The following FGGY variants were observed in gnomAD, a reference collection of about 807,000 sequenced individuals.
FGGY encodes FGGY carbohydrate kinase domain-containing protein.
Under a neutral mutation model 71.3 loss-of-function variants are expected in FGGY, and 72 were observed. The ratio of observed to expected loss-of-function variants is 1.01; its 90% CI spans 0.84 to 1.23. The LOEUF is 1.23. FGGY is among the 50% of genes most tolerant of loss of function. The probability of loss-of-function intolerance (pLI) is 0.00; values close to 1 mark genes in which losing one functional copy is unlikely to be tolerated. For missense variants in FGGY, 668 were observed against 682.3 expected (o/e 0.98, Z 0.23); for synonymous variants, 251 against 250.3 (o/e 1.00, Z -0.02).
chr1:59,546,332 G>A (rs375973895), intron 7 of FGGY, among the ~76,000 whole-genome samples: 4 of 135,488 alleles, frequency 3.0e-5, no homozygotes, highest in Non-Finnish European at 4.6e-5. Context: ...GAACCATTAC[G>A]CCCTAACTAG....
chr1:59,606,403 C>A (rs1315704488), intron 8 of FGGY, among the ~76,000 whole-genome samples: 1 of 152,160 alleles, frequency 6.6e-6, no homozygotes, highest in Non-Finnish European at 1.5e-5. Flanking sequence ...ACAAAAAGTA[C>A]CAATTGCCAT....
intron 14 of FGGY, among the ~76,000 whole-genome samples, chr1:59,691,753 C>T (rs1275900916): frequency 6.6e-6 from 1 of 151,166 alleles, no homozygotes; most frequent in East Asian, 2.0e-4. Flanking sequence ...GATATCCATA[C>T]ACCCCCACAT....
chr1:59,693,342 C>T lies in FGGY; in HGVS notation c.1512+19209C>T, dbSNP rs146519022. 9.2e-5 allele frequency among the ~76,000 whole-genome samples: 14 copies of T among 152,298 alleles called. No individual in the cohort carries two copies. In the East Asian group the frequency reaches 2.7e-3, roughly 29 times the overall value. ...AGTGTAAATCTGTAAAATGTTCTAC[C>T]CATGTTACAAACCTGTGGCTTAATT... On this transcript the variant is annotated intron_variant, in intron 14 of 15. Transcript: ENST00000303721.
At chr1:59,691,636 C>CTTTTTTTTT (rs2097588141) in intron 14 of FGGY, among the ~76,000 whole-genome samples, 1 of 144,958 alleles carries the variant, frequency 6.9e-6, no homozygotes, top group Non-Finnish European at 1.5e-5. Flanking sequence ...CTTTTTTTTT[C>CTTTTTTTTT]TTTTCTTTTT....
chr1:59,611,646 G>A (rs1046121108), intron 9 of FGGY, among the ~76,000 whole-genome samples: 13 of 152,214 alleles, frequency 8.5e-5, no homozygotes, highest in South Asian at 2.1e-4. Context: ...AAAGCTGGAC[G>A]GAGTATGACT....
intron 7 of FGGY, among the ~76,000 whole-genome samples, chr1:59,536,966 T>A (rs1306041547): frequency 6.6e-6 from 1 of 152,012 alleles, no homozygotes; most frequent in Non-Finnish European, 1.5e-5. Flanking sequence ...TCACCACTCC[T>A]ATTCAACATA....
At chr1:59,619,045 C>G (rs1572184728) in intron 9 of FGGY, among the ~76,000 whole-genome samples, 1 of 152,254 alleles carries the variant, frequency 6.6e-6, no homozygotes, top group East Asian at 1.9e-4. Flanking sequence ...TGCCTGTAAT[C>G]TTTCCCCCTC....
chr1:59,529,473 C>G (rs2095081146), intron 7 of FGGY, among the ~76,000 whole-genome samples: 1 of 152,068 alleles, frequency 6.6e-6, no homozygotes, highest in South Asian at 2.1e-4. Context: ...GGTGTATTCT[C>G]CACTGGAAGC....
chr1:59,339,867 A>G (rs878894267), intron 2 of FGGY, 91 bp from the exon 3 acceptor site: 4 of 706,150 alleles, frequency 5.7e-6, no homozygotes, highest in South Asian at 1.9e-5. Flanking sequence ...ATTTTTTTCT[A>G]TTCTGTCATT....
At chr1:59,383,480 C>T (rs926182389) in intron 5 of FGGY, among the ~76,000 whole-genome samples, 1 of 152,120 alleles carries the variant, frequency 6.6e-6, no homozygotes, top group Non-Finnish European at 1.5e-5. Flanking sequence ...TGGCCAAAGG[C>T]ATTCCAAATT....
At chr1:59,512,543 TTG>T in intron 7 of FGGY, 104 bp downstream of exon 7, 1 of 1,276,368 alleles carries the variant, frequency 7.8e-7, no homozygotes, top group Non-Finnish European at 1.0e-6. Flanking sequence ...GTCAAGGACT[TTG>T]GTGTTTCAGG....
chr1:59,316,011 C>A (rs897518886), intron 1 of FGGY: 1 of 152,194 alleles, frequency 6.6e-6, no homozygotes, highest in African/African-American at 2.4e-5. Context: ...CAAATCAGCT[C>A]TTTCCTTCTC....
intron 5 of FGGY, among the ~76,000 whole-genome samples, chr1:59,400,389 G>A (rs1018754537): frequency 4.6e-5 from 7 of 152,110 alleles, no homozygotes; most frequent in African/African-American, 1.4e-4. Flanking sequence ...ATGTATTCTA[G>A]ACATGACTTC....
chr1:59,474,743 T>C (rs2093174241), intron 6 of FGGY, among the ~76,000 whole-genome samples: 2 of 152,216 alleles, frequency 1.3e-5, no homozygotes, highest in Admixed American at 1.3e-4. Context: ...AAGTGACTGA[T>C]GTAGATAAAC....
intron 5 of FGGY, among the ~76,000 whole-genome samples, chr1:59,416,435 A>G (rs1404729694): frequency 6.6e-6 from 1 of 152,222 alleles, no homozygotes; most frequent in Non-Finnish European, 1.5e-5. Context: ...GACAATAATC[A>G]TACCTAACTT....
At chr1:59,531,830 A>G (rs1359183079) in intron 7 of FGGY, among the ~76,000 whole-genome samples, 1 of 152,208 alleles carries the variant, frequency 6.6e-6, no homozygotes, top group Non-Finnish European at 1.5e-5. Context: ...ACAAAGGCCA[A>G]AGCCTGGGTT....
intron 1 of FGGY, among the ~76,000 whole-genome samples, chr1:59,317,624 A>G (rs2045687479): frequency 6.6e-6 from 1 of 152,324 alleles, no homozygotes; most frequent in East Asian, 1.9e-4. Flanking sequence ...CAGGGGACCT[A>G]TGATGCAGAA....
intron 7 of FGGY, among the ~76,000 whole-genome samples, chr1:59,546,526 G>GATTATTATTATT (rs1491446340): frequency 1.8e-4 from 16 of 89,192 alleles, no homozygotes; most frequent in African/African-American, 9.3e-4. Context: ...TGATGATGAT[G>GATTATTATTATT]ATGATGATGA....
rs552698011 is a variant in FGGY, at chr1:59,588,404, G to A, written c.904-19399G>A. Among the ~76,000 whole-genome samples the A allele has an allele frequency of 3.2e-3, 489 of 152,066 alleles. 4 individuals carry two copies. The highest frequency in any genetic ancestry group is 0.011 in the African/African-American group (456 of 41,474). On this transcript the variant is annotated intron_variant, in intron 8 of 15. Coordinates refer to ENST00000303721, the MANE Select transcript of FGGY (RefSeq NM_018291.5). Reference sequence around the variant, plus strand: ...TATCCAGGAGAACTTCCCCAATCTAGCAAGGCAGGCCAACGTTCAGATTCA... The same window carrying A: ...TATCCAGGAGAACTTCCCCAATCTAACAAGGCAGGCCAACGTTCAGATTCA...
Sources: allele counts gnomAD v4.1 joint callset (sites outside exome capture counted in the v4.1 genomes callset), GRCh38; gene constraint gnomAD v4.1.1; transcripts MANE v1.5; gene names NCBI Gene and HGNC (gene_info 2026-07-23, HGNC 2026-07-21).